Variants in ARHGAP42 observed in about 807,000 individuals in gnomAD.
ARHGAP42 encodes the protein rho GTPase-activating protein 42.
Under a neutral mutation model 125.0 loss-of-function variants are expected in ARHGAP42, and 63 were observed. That is an observed-to-expected ratio of 0.50 (90% CI 0.41 to 0.62). ARHGAP42 has a LOEUF of 0.62. Among genes scored for constraint, ARHGAP42 ranks in the 20% least tolerant of loss-of-function variants. The pLI is 0.00. For synonymous variants in ARHGAP42, 339 were observed against 351.0 expected (o/e 0.97, Z 0.38); for missense variants, 766 against 1,024.2 (o/e 0.75, Z 3.44).
intron 10 of ARHGAP42, among the ~76,000 whole-genome samples, chr11:100,946,578 G>T (rs1191362642): frequency 2.6e-5 from 4 of 151,958 alleles, no homozygotes; most frequent in Non-Finnish European, 5.9e-5. Flanking sequence ...TAATATTGTT[G>T]TATCTCAGGG....
intron 3 of ARHGAP42, among the ~76,000 whole-genome samples, chr11:100,837,685 T>TTTTTTTTTTAAATATA (rs1864837434): frequency 7.6e-6 from 1 of 131,424 alleles, no homozygotes; most frequent in African/African-American, 2.8e-5. Context: ...TTTTTTTTTT[T>TTTTTTTTTTAAATATA]TTTTTTTTTT....
intron 1 of ARHGAP42, among the ~76,000 whole-genome samples, chr11:100,720,080 A>T (rs1282800665): frequency 6.6e-6 from 1 of 152,200 alleles, no homozygotes; most frequent in Non-Finnish European, 1.5e-5. Flanking sequence ...GTTAGATTAT[A>T]GGCTAGATAA....
chr11:100,821,041 G>C (rs1864394131), intron 3 of ARHGAP42, among the ~76,000 whole-genome samples: 1 of 151,780 alleles, frequency 6.6e-6, no homozygotes, highest in Admixed American at 6.6e-5. Context: ...AAAGGTATCT[G>C]ACTTAGCCTT....
chr11:100,816,304 C>G (rs1264751638), intron 3 of ARHGAP42, among the ~76,000 whole-genome samples: 2 of 152,088 alleles, frequency 1.3e-5, no homozygotes, highest in African/African-American at 2.4e-5. Context: ...TGCATCCTCA[C>G]TAACACTTGT....
At chr11:100,889,666 A>T (rs544483278) in intron 4 of ARHGAP42, among the ~76,000 whole-genome samples, 4 of 152,312 alleles carry the variant, frequency 2.6e-5, no homozygotes, top group African/African-American at 9.6e-5. Context: ...GATTTAACCT[A>T]GTCCTTTGTT....
chr11:100,921,380 A>T, intron 5 of ARHGAP42, 114 bp from the exon 6 acceptor site: 1 of 721,634 alleles, frequency 1.4e-6, no homozygotes, highest in Non-Finnish European at 2.3e-6. Flanking sequence ...GACTATAATA[A>T]GTGCTGTGTT....
At chr11:100,929,165 T>C (rs1941371) in intron 6 of ARHGAP42, among the ~76,000 whole-genome samples, 137,384 of 152,186 alleles carry the variant, frequency 0.9, 62,207 homozygotes, top group East Asian at 1. Flanking sequence ...CCTGTTCCAC[T>C]TCAGATCATC....
intron 6 of ARHGAP42, among the ~76,000 whole-genome samples, chr11:100,923,840 G>T (rs1369342595): frequency 6.6e-6 from 1 of 152,020 alleles, no homozygotes; most frequent in Non-Finnish European, 1.5e-5. Flanking sequence ...TGTCAGTTTG[G>T]TCTCATCCTC....
chr11:100,807,602 T>C (rs1307159889), intron 3 of ARHGAP42, among the ~76,000 whole-genome samples: 1 of 152,200 alleles, frequency 6.6e-6, no homozygotes, highest in Non-Finnish European at 1.5e-5. Context: ...ACACTTTACA[T>C]ATAGGACCCA....
At chr11:100,766,424 C>A (rs1862830863) in intron 1 of ARHGAP42, among the ~76,000 whole-genome samples, 1 of 152,124 alleles carries the variant, frequency 6.6e-6, no homozygotes, top group Non-Finnish European at 1.5e-5. Context: ...CACTCAACAA[C>A]AAATTTTAAA....
In ARHGAP42 at chr11:100,933,143, T is replaced by A. The variant is rs1371422031; in HGVS notation, c.598-13T>A. ...CACATTTTCATGGTTTCTTTATCTC[T>A]TTATCTTTGCAGCTTTTGTCATTTC... is the stretch of plus-strand genomic sequence containing the variant. On this transcript the variant is annotated splice_polypyrimidine_tract_variant and intron_variant, in intron 6 of 23. Transcript: ENST00000298815. 5 of 1,526,148 alleles carry A rather than the reference T, an allele frequency of 3.3e-6. No homozygotes were observed. The highest frequency in any genetic ancestry group is 1.4e-5 in the African/African-American group (1 of 72,426). The allele number at this position is 1,526,148 out of a possible 1,614,324, so 94.5% of individuals were successfully genotyped here.
At chr11:100,800,641 A>G (rs951594859) in intron 3 of ARHGAP42, among the ~76,000 whole-genome samples, 2 of 152,182 alleles carry the variant, frequency 1.3e-5, no homozygotes, top group Non-Finnish European at 2.9e-5. Context: ...AAAGATCTTC[A>G]TTTCATTTCT....
At chr11:100,900,967 G>A (rs529064054) in intron 4 of ARHGAP42, among the ~76,000 whole-genome samples, 9 of 152,190 alleles carry the variant, frequency 5.9e-5, no homozygotes, top group Admixed American at 5.2e-4. Flanking sequence ...AAGAGAAGAG[G>A]TGGTCTGGTT....
At chr11:100,884,191 T>C (rs1433017968) in intron 4 of ARHGAP42, among the ~76,000 whole-genome samples, 1 of 152,220 alleles carries the variant, frequency 6.6e-6, no homozygotes, top group African/African-American at 2.4e-5. Context: ...CTGGGATTGC[T>C]GTCAGCTGAT....
At chr11:100,825,933 G>A (rs1178682160) in intron 3 of ARHGAP42, among the ~76,000 whole-genome samples, 1 of 152,172 alleles carries the variant, frequency 6.6e-6, no homozygotes, top group African/African-American at 2.4e-5. Flanking sequence ...ACCATGCAGT[G>A]GCTGAGTTCC....
chr11:100,885,616 A>G (rs546502842), intron 4 of ARHGAP42, among the ~76,000 whole-genome samples: 1 of 152,296 alleles, frequency 6.6e-6, no homozygotes, highest in Admixed American at 6.5e-5. Flanking sequence ...GCAAAATTAT[A>G]TTTTTGAAAA....
At chr11:100,708,331 G>A (rs1333473748) in intron 1 of ARHGAP42, among the ~76,000 whole-genome samples, 1 of 152,104 alleles carries the variant, frequency 6.6e-6, no homozygotes, top group Admixed American at 6.6e-5. Context: ...AGGCAACATA[G>A]CGAGACCCCA....
intron 1 of ARHGAP42, among the ~76,000 whole-genome samples, chr11:100,704,814 C>A (rs1861452207): frequency 1.3e-5 from 2 of 149,796 alleles, no homozygotes; most frequent in South Asian, 2.1e-4. Flanking sequence ...CTTGTCTCTA[C>A]AAAAATAAAA....
chr11:100,756,963 T>A (rs1862592826), intron 1 of ARHGAP42, among the ~76,000 whole-genome samples: 1 of 152,204 alleles, frequency 6.6e-6, no homozygotes, highest in Non-Finnish European at 1.5e-5. Flanking sequence ...GTATCATGAA[T>A]CACCCCGTAA....
Sources: allele counts gnomAD v4.1 joint callset (sites outside exome capture counted in the v4.1 genomes callset), GRCh38; gene constraint gnomAD v4.1.1; transcripts MANE v1.5; gene names NCBI Gene and HGNC (gene_info 2026-07-23, HGNC 2026-07-21).